The following SIPA1L1 variants were observed in gnomAD, a reference collection of about 807,000 sequenced individuals.
The protein encoded by SIPA1L1 is signal-induced proliferation-associated 1-like protein 1.
A neutral mutation model predicts 162.7 loss-of-function variants in SIPA1L1; 26 were observed. That is an observed-to-expected ratio of 0.16 (90% CI 0.12 to 0.22). The LOEUF is 0.22. Ranked by LOEUF, SIPA1L1 falls within the 10% of genes least tolerant of loss-of-function variation. The pLI is 1.00. For missense variants in SIPA1L1, 1,874 were observed against 2,241.0 expected (o/e 0.84, Z 3.31); for synonymous variants, 829 against 837.4 (o/e 0.99, Z 0.17).
chr14:71,620,315 C>T (rs564955965), intron 6 of SIPA1L1, among the ~76,000 whole-genome samples: 5 of 152,266 alleles, frequency 3.3e-5, no homozygotes, highest in East Asian at 3.9e-4. Context: ...GTGATCCACC[C>T]GCCTCGGCCT....
chr14:71,418,956 C>T (rs529498084), intron 2 of SIPA1L1, among the ~76,000 whole-genome samples: 1 of 152,244 alleles, frequency 6.6e-6, no homozygotes, highest in South Asian at 2.1e-4. Flanking sequence ...GCTTGAAGGC[C>T]ATTACTACTC....
chr14:71,543,343 T>C (rs1282889296), intron 4 of SIPA1L1, among the ~76,000 whole-genome samples: 1 of 152,258 alleles, frequency 6.6e-6, no homozygotes, highest in Non-Finnish European at 1.5e-5. Flanking sequence ...AAGATTGCTA[T>C]CAACATTCTT....
chr14:71,620,427 G>T (rs144042176), intron 6 of SIPA1L1, among the ~76,000 whole-genome samples: 40 of 152,164 alleles, frequency 2.6e-4, no homozygotes, highest in African/African-American at 8.9e-4. Context: ...TTTGTCTTTC[G>T]CATTCTCTTC....
At chr14:71,357,886 C>T (rs1056302640) in intron 2 of SIPA1L1, among the ~76,000 whole-genome samples, 1 of 152,162 alleles carries the variant, frequency 6.6e-6, no homozygotes, top group African/African-American at 2.4e-5. Flanking sequence ...CACCACCATG[C>T]CCAGCTAATT....
At chr14:71,407,889 G>A (rs1016636538) in intron 2 of SIPA1L1, among the ~76,000 whole-genome samples, 1 of 152,122 alleles carries the variant, frequency 6.6e-6, no homozygotes, top group East Asian at 1.9e-4. Context: ...TTTTTTGTAG[G>A]CGAAGCTAGG....
At chr14:71,523,109 A>C (rs1241130864) in intron 3 of SIPA1L1, among the ~76,000 whole-genome samples, 1 of 151,934 alleles carries the variant, frequency 6.6e-6, no homozygotes, top group African/African-American at 2.4e-5. Context: ...GAATTTTTTT[A>C]AAGTTCAGTT....
At position 71,435,757 on chromosome 14, in the gene SIPA1L1, C is replaced by T. The variant is rs577622501; in HGVS notation, c.-464-76986C>T. Among the ~76,000 whole-genome samples, 49 of 152,294 alleles carry T rather than the reference C, an allele frequency of 3.2e-4. 1 individual carries two copies. The South Asian group carries it at 4.6e-3, about 14-fold the overall frequency. On this transcript the variant is annotated intron_variant, in intron 2 of 23. Transcript: ENST00000381232. The stretch of plus-strand genomic sequence containing the variant: ...ATCCTTGAGGAATCGCCATGCTGTC[C>T]TCCACAATGGTTGAACTAGTTTACA...
intron 17 of SIPA1L1, among the ~76,000 whole-genome samples, chr14:71,718,998 G>A (rs1357737309): frequency 6.6e-6 from 1 of 151,872 alleles, no homozygotes; most frequent in African/African-American, 2.4e-5. Flanking sequence ...GAGTATAGTG[G>A]TGTGAACTTG....
At chr14:71,364,008 A>T (rs2038047441) in intron 2 of SIPA1L1, among the ~76,000 whole-genome samples, 1 of 152,202 alleles carries the variant, frequency 6.6e-6, no homozygotes, top group Non-Finnish European at 1.5e-5. Context: ...GGTCTCAGAA[A>T]CCTTTTACGC....
chr14:71,392,593 T>G (rs1370726569), intron 2 of SIPA1L1, among the ~76,000 whole-genome samples: 3 of 152,190 alleles, frequency 2.0e-5, no homozygotes, highest in African/African-American at 7.2e-5. Context: ...AGTGGTGCGA[T>G]CTCGGCTCAC....
At chr14:71,371,013 G>A (rs1457167319) in intron 2 of SIPA1L1, among the ~76,000 whole-genome samples, 2 of 152,074 alleles carry the variant, frequency 1.3e-5, no homozygotes, top group Non-Finnish European at 1.5e-5. Context: ...TTAATAATAA[G>A]AGTGGTATTT....
intron 4 of SIPA1L1, among the ~76,000 whole-genome samples, chr14:71,534,109 T>C (rs2053683822): frequency 6.6e-6 from 1 of 151,620 alleles, no homozygotes; most frequent in Admixed American, 6.6e-5. Flanking sequence ...AAGAAAAGAG[T>C]GCTAGTTCTC....
chr14:71,344,705 G>A (rs1206524353), intron 2 of SIPA1L1, among the ~76,000 whole-genome samples: 1 of 152,040 alleles, frequency 6.6e-6, no homozygotes, highest in Non-Finnish European at 1.5e-5. Flanking sequence ...GACTGTAGGT[G>A]TGCGCCACTA....
At chr14:71,423,512 A>G (rs2043339926) in intron 2 of SIPA1L1, among the ~76,000 whole-genome samples, 1 of 152,082 alleles carries the variant, frequency 6.6e-6, no homozygotes, top group Non-Finnish European at 1.5e-5. Context: ...AGTAGTATTC[A>G]CCTAACTGTA....
At chr14:71,447,942 A>G (rs1356084890) in intron 2 of SIPA1L1, among the ~76,000 whole-genome samples, 1 of 152,150 alleles carries the variant, frequency 6.6e-6, no homozygotes, top group African/African-American at 2.4e-5. Context: ...CTAATGGCTC[A>G]TTGTGAAAGT....
intron 2 of SIPA1L1, among the ~76,000 whole-genome samples, chr14:71,331,481 A>G (rs1005327398): frequency 1.8e-4 from 27 of 152,228 alleles, no homozygotes; most frequent in African/African-American, 5.8e-4. Flanking sequence ...CCAATTGGCA[A>G]GGAGCATAGT....
chr14:71,437,609 G>A (rs182926533), intron 2 of SIPA1L1, among the ~76,000 whole-genome samples: 1 of 152,070 alleles, frequency 6.6e-6, no homozygotes, highest in South Asian at 2.1e-4. Context: ...TGATCTGCCC[G>A]CCTGGACTTC....
chr14:71,337,414 A>G (rs1395257607), intron 2 of SIPA1L1, among the ~76,000 whole-genome samples: 2 of 152,228 alleles, frequency 1.3e-5, no homozygotes, highest in East Asian at 1.9e-4. Context: ...TATAAAGGAA[A>G]GAGGCTTAAT....
chr14:71,353,550 A>T (rs982607132), intron 2 of SIPA1L1, among the ~76,000 whole-genome samples: 1 of 152,134 alleles, frequency 6.6e-6, no homozygotes, highest in Non-Finnish European at 1.5e-5. Context: ...GGTCTTACCT[A>T]GGTTTTAACA....
Sources: allele counts gnomAD v4.1 joint callset (sites outside exome capture counted in the v4.1 genomes callset), GRCh38; gene constraint gnomAD v4.1.1; transcripts MANE v1.5; gene names NCBI Gene and HGNC (gene_info 2026-07-23, HGNC 2026-07-21).